Variants in CTNNA1 observed in about 807,000 individuals in gnomAD.
CTNNA1 encodes catenin alpha-1.
CTNNA1 carries 37 observed loss-of-function variants against 98.4 expected under a neutral mutation model. The ratio of observed to expected loss-of-function variants is 0.38; its 90% CI spans 0.29 to 0.49. The LOEUF (loss-of-function observed/expected upper bound fraction) is 0.49. CTNNA1 is among the 20% of genes least tolerant of loss of function. The pLI is 0.95. For missense variants in CTNNA1, 761 were observed against 1,147.2 expected, an observed-to-expected ratio of 0.66 and a Z score of 4.86; for synonymous variants, 404 against 413.2, an observed-to-expected ratio of 0.98 and a Z score of 0.27.
In CTNNA1 at chr5:138,874,613, T is replaced by C. The variant is rs763874822; in HGVS notation, c.1063-11599T>C. The C allele has an allele frequency of 2.7e-6, 3 of 1,108,564 alleles. No homozygotes were observed. The highest frequency in any genetic ancestry group is 1.7e-5 in the South Asian group (1 of 59,920). The allele number at this position is 1,108,564 out of a possible 1,614,324, so 68.7% of individuals were successfully genotyped here. A position where few individuals can be genotyped will look rare whatever the true frequency, so the allele number is the denominator to read the frequency against. ...ATAGGATATTTTTCAGCAGAACATATGGGCTATTTAAAAAAAACAACCACC... is the reference window on the plus strand; with the variant it reads ...ATAGGATATTTTTCAGCAGAACATACGGGCTATTTAAAAAAAACAACCACC... On this transcript the variant is annotated intron_variant, in intron 7 of 17. Transcript: ENST00000302763. This position sits in a 1 kb window ranked among gnomAD's most constrained non-coding sequence, Gnocchi z 4.1.
chr5:138,765,746 C>A (rs1157291079), intron 1 of CTNNA1, among the ~76,000 whole-genome samples: 1 of 151,472 alleles, frequency 6.6e-6, no homozygotes, highest in Non-Finnish European at 1.5e-5. Context: ...GTCAAGAGAT[C>A]GAGACCATAC....
intron 10 of CTNNA1, among the ~76,000 whole-genome samples, chr5:138,912,304 C>T (rs1299265201): frequency 6.6e-6 from 1 of 151,988 alleles, no homozygotes; most frequent in Non-Finnish European, 1.5e-5. Flanking sequence ...GATGAGATTG[C>T]CCAGGGGTGG....
At chr5:138,823,507 G>C (rs1410667005) in intron 5 of CTNNA1, among the ~76,000 whole-genome samples, 1 of 152,158 alleles carries the variant, frequency 6.6e-6, no homozygotes, top group African/African-American at 2.4e-5. Flanking sequence ...TGTAAGAAAA[G>C]TGTGGTTCTG....
intron 5 of CTNNA1, among the ~76,000 whole-genome samples, chr5:138,817,464 C>G (rs927337258): frequency 7.9e-5 from 12 of 152,174 alleles, no homozygotes; most frequent in African/African-American, 2.9e-4. Flanking sequence ...TATCTCTCCC[C>G]AGACTTGGGA....
chr5:138,791,346 C>T (rs1289300560), intron 3 of CTNNA1, among the ~76,000 whole-genome samples: 3 of 151,916 alleles, frequency 2.0e-5, no homozygotes, highest in African/African-American at 2.4e-5. Context: ...CGGCCGGGTG[C>T]GGTGGCTCAT....
intron 3 of CTNNA1, among the ~76,000 whole-genome samples, chr5:138,798,031 T>C (rs1757157620): frequency 6.6e-6 from 1 of 152,196 alleles, no homozygotes; most frequent in Admixed American, 6.5e-5. Flanking sequence ...CTTTACAGCT[T>C]CAGCATTTAA....
chr5:138,812,362 C>G lies in CTNNA1; in HGVS notation c.588+60C>G, dbSNP rs1758916640. ...TCATTTTACTATCTAGAGGGAAAAA[C>G]TCATTCTGTGTGTTTTCTGAAAGTA... On this transcript the variant is annotated intron_variant, in intron 5 of 17. Coordinates refer to ENST00000302763, the MANE Select transcript of CTNNA1 (RefSeq NM_001903.5). 9.0e-6 allele frequency: 14 copies of G among 1,560,114 alleles called. No homozygotes were observed. In the South Asian group the frequency reaches 1.6e-4, roughly 18 times the overall value.
intron 1 of CTNNA1, among the ~76,000 whole-genome samples, chr5:138,765,429 G>A (rs149158428): frequency 6.6e-6 from 1 of 152,170 alleles, no homozygotes; most frequent in South Asian, 2.1e-4. Context: ...TGATCCACCA[G>A]CCTCTTCCTC....
At chr5:138,781,182 T>C (rs1280987598) in intron 1 of CTNNA1, among the ~76,000 whole-genome samples, 1 of 152,234 alleles carries the variant, frequency 6.6e-6, no homozygotes, top group African/African-American at 2.4e-5. Context: ...ACCTTTTAGA[T>C]ACTACTGTAC....
chr5:138,756,933 T>A (rs1320920735), intron 1 of CTNNA1, among the ~76,000 whole-genome samples: 1 of 151,980 alleles, frequency 6.6e-6, no homozygotes, highest in East Asian at 1.9e-4. Context: ...ACAGGGAGGC[T>A]CATGCCTATA....
In CTNNA1 at chr5:138,783,200, T is replaced by C. The variant is rs977902462; in HGVS notation, c.129T>C (p.Asn43=). The C allele has an allele frequency of 2.7e-5, 43 of 1,611,634 alleles. No homozygotes were observed. The East Asian group carries it at 8.5e-4, about 32-fold the overall frequency. Residue 43 remains asparagine (N), a synonymous_variant, in exon 3 of 18, where the codon AAT becomes AAC. Transcript: ENST00000302763. ...VTQVTTLVNT[N]SKGPSNKKRG... is the part of the protein sequence containing the mutation. Reference sequence around the variant, plus strand: ...AGGTTACAACCCTTGTAAACACCAATAGTAAAGGGCCCTCTAATAAGAAGA... The same window carrying C: ...AGGTTACAACCCTTGTAAACACCAACAGTAAAGGGCCCTCTAATAAGAAGA...
At chr5:138,855,337 T>TGTTGTTACCTTTTATAGTACCCGAGC (rs1763638894) in intron 7 of CTNNA1, among the ~76,000 whole-genome samples, 1 of 151,992 alleles carries the variant, frequency 6.6e-6, no homozygotes, top group African/African-American at 2.4e-5. Flanking sequence ...GCGCCCAGCC[T>TGTTGTTACCTTTTATAGTACCCGAGC]CAACTGTCAT....
chr5:138,810,372 A>T (rs1300341657), intron 4 of CTNNA1, among the ~76,000 whole-genome samples, 168 bp downstream of exon 4: 1 of 152,162 alleles, frequency 6.6e-6, no homozygotes, highest in African/African-American at 2.4e-5. Flanking sequence ...TTCCAAGTAT[A>T]TATCATCCTG....
chr5:138,809,761 A>G (rs949863676), intron 3 of CTNNA1, among the ~76,000 whole-genome samples: 1 of 151,654 alleles, frequency 6.6e-6, no homozygotes, highest in African/African-American at 2.4e-5. Flanking sequence ...TTAAAGGAAC[A>G]TTATTAGATC....
At chr5:138,832,558 A>T (rs1761367844) in intron 7 of CTNNA1, among the ~76,000 whole-genome samples, 1 of 152,254 alleles carries the variant, frequency 6.6e-6, no homozygotes, top group South Asian at 2.1e-4. Flanking sequence ...AAATGTAATT[A>T]AATTTGAAAA....
Position 138,885,520 on chromosome 5 carries a change from C to T in CTNNA1, c.1063-692C>T, listed in dbSNP as rs1753837822. 2.6e-5 allele frequency among the ~76,000 whole-genome samples: 4 copies of T among 152,140 alleles called. No homozygotes were observed. In the South Asian group the frequency reaches 8.3e-4, roughly 32 times the overall value. The stretch of plus-strand genomic sequence containing the variant: ...TGCTATTTTATTCCATTTGATTCTG[C>T]TTAGAATGTTACCCTGGCAAATCTC... On this transcript the variant is annotated intron_variant, in intron 7 of 17. Coordinates refer to ENST00000302763, the MANE Select transcript of CTNNA1 (RefSeq NM_001903.5).
rs1018102337 is a variant in CTNNA1 at position 138,825,562 on chromosome 5, T to C, written c.858+763T>C. On this transcript the variant is annotated intron_variant, in intron 6 of 17. Transcript: ENST00000302763. ...AAAAAAACAAACCAAAAAACAGAAATTGTGTTCCAGGTGACCAGCATCCTT... is the reference window on the plus strand; with the variant it reads ...AAAAAAACAAACCAAAAAACAGAAACTGTGTTCCAGGTGACCAGCATCCTT... Among the ~76,000 whole-genome samples the C allele has an allele frequency of 2.2e-5, 3 of 135,020 alleles. No individual in the cohort carries two copies. In the Admixed American group the frequency reaches 2.5e-4, roughly 11 times the overall value. 88.6% of individuals were successfully genotyped at this position (135,020 alleles called of 152,430 possible).
At chr5:138,799,131 A>G (rs1757272400) in intron 3 of CTNNA1, among the ~76,000 whole-genome samples, 1 of 151,896 alleles carries the variant, frequency 6.6e-6, no homozygotes, top group Non-Finnish European at 1.5e-5. Context: ...TCAGCCTCCC[A>G]AAGTGCTGAG....
chr5:138,930,694 A>AC, intron 15 of CTNNA1, 40 bp downstream of exon 15: 2 of 1,592,576 alleles, frequency 1.3e-6, no homozygotes, highest in African/African-American at 2.7e-5. Context: ...CACAGGGGCT[A>AC]CTTTCTTCCC....
Sources: allele counts gnomAD v4.1 joint callset (sites outside exome capture counted in the v4.1 genomes callset), GRCh38; gene constraint gnomAD v4.1.1; non-coding constraint Gnocchi (gnomAD v3.1); transcripts MANE v1.5; gene names NCBI Gene and HGNC (gene_info 2026-07-23, HGNC 2026-07-21).